The following C1orf21 variants were observed in gnomAD, a reference collection of about 807,000 sequenced individuals.
C1orf21 encodes the protein chromosome 1 open reading frame 21, also known as uncharacterized protein C1orf21.
In C1orf21, 3 loss-of-function variants were observed where a neutral mutation model predicts 18.7. The ratio of observed to expected loss-of-function variants is 0.16; its 90% CI spans 0.07 to 0.42. The LOEUF is 0.42. Ranked by LOEUF, C1orf21 falls within the 10% of genes least tolerant of loss-of-function variation. The pLI is 0.99. For missense variants in C1orf21, 104 were observed against 143.6 expected (o/e 0.72, Z 1.41); for synonymous variants, 41 against 46.4 (o/e 0.88, Z 0.47).
At chr1:184,428,453 A>G (rs146639858) in intron 1 of C1orf21, among the ~76,000 whole-genome samples, 10 of 152,344 alleles carry the variant, frequency 6.6e-5, no homozygotes, top group African/African-American at 2.4e-4. Flanking sequence ...GGTAATTTGC[A>G]TTGTGATTAG....
At chr1:184,442,995 A>G (rs772861169) in intron 1 of C1orf21, among the ~76,000 whole-genome samples, 1 of 152,164 alleles carries the variant, frequency 6.6e-6, no homozygotes, top group Non-Finnish European at 1.5e-5. Flanking sequence ...TTCCTGTCCA[A>G]CTTTATATGA....
intron 3 of C1orf21, among the ~76,000 whole-genome samples, chr1:184,557,395 G>A (rs935739454): frequency 1.3e-5 from 2 of 151,712 alleles, no homozygotes; most frequent in African/African-American, 4.9e-5. Flanking sequence ...TTTATTCCTC[G>A]CCCCACTCCC....
chr1:184,521,447 A>G (rs957243147), intron 3 of C1orf21, among the ~76,000 whole-genome samples: 3 of 152,202 alleles, frequency 2.0e-5, no homozygotes, highest in African/African-American at 4.8e-5. Flanking sequence ...ACTTAGTAAT[A>G]AGAAGGAATG....
intron 2 of C1orf21, among the ~76,000 whole-genome samples, chr1:184,499,919 G>A (rs1328217548): frequency 6.6e-6 from 1 of 152,208 alleles, no homozygotes; most frequent in Non-Finnish European, 1.5e-5. Flanking sequence ...CCTGCTAGGA[G>A]TAATTGAGAG....
At chr1:184,428,791 A>T (rs185165614) in intron 1 of C1orf21, among the ~76,000 whole-genome samples, 1 of 152,142 alleles carries the variant, frequency 6.6e-6, no homozygotes, top group Non-Finnish European at 1.5e-5. Context: ...ATGGGCCCAG[A>T]CAGGGAAAGA....
chr1:184,588,668 A>T (rs1042890053), intron 3 of C1orf21, among the ~76,000 whole-genome samples: 1 of 152,190 alleles, frequency 6.6e-6, no homozygotes, highest in African/African-American at 2.4e-5. Context: ...AATATTAGTG[A>T]ATGTTAAAAT....
chr1:184,488,123 T>C (rs988406527), intron 2 of C1orf21, among the ~76,000 whole-genome samples: 1 of 152,212 alleles, frequency 6.6e-6, no homozygotes, highest in African/African-American at 2.4e-5. Flanking sequence ...ACTTATCTCT[T>C]TTAGATTTTA....
intron 3 of C1orf21, among the ~76,000 whole-genome samples, chr1:184,576,794 C>G (rs575574408): frequency 6.6e-6 from 1 of 152,262 alleles, no homozygotes; most frequent in South Asian, 2.1e-4. Context: ...TGTGACTTTC[C>G]TGCTTAAAAC....
chr1:184,507,846 T>C (rs185380372), intron 3 of C1orf21, among the ~76,000 whole-genome samples, 164 bp downstream of exon 3: 1 of 152,232 alleles, frequency 6.6e-6, no homozygotes, highest in Non-Finnish European at 1.5e-5. Context: ...TCCTGTATCC[T>C]GTTTGTCTCT....
intron 2 of C1orf21, among the ~76,000 whole-genome samples, chr1:184,481,195 A>G (rs954544064): frequency 7.9e-5 from 12 of 152,192 alleles, no homozygotes; most frequent in Admixed American, 7.9e-4. Context: ...CTCTTAGAAA[A>G]ATGGGGATAC....
rs76007814 is a variant in C1orf21, at chr1:184,625,175, A to G, written c.*5619A>G. 2 of 152,292 alleles carry G rather than the reference A, an allele frequency of 1.3e-5. No individual in the cohort carries two copies. The highest frequency in any genetic ancestry group is 1.9e-4 in the East Asian group (1 of 5,186). The allele number at this position is 152,292 out of a possible 1,614,324, so 9.4% of individuals were successfully genotyped here. On this transcript the variant is annotated 3_prime_UTR_variant, in exon 6 of 6. Coordinates refer to ENST00000235307, the MANE Select transcript of C1orf21 (RefSeq NM_030806.4). ...CCTGATTTCGCCCTTCTTTGCTTCCATTTTTAGCCCAAGGCTTTGAATTTG... is the reference window on the plus strand; with the variant it reads ...CCTGATTTCGCCCTTCTTTGCTTCCGTTTTTAGCCCAAGGCTTTGAATTTG...
intron 2 of C1orf21, among the ~76,000 whole-genome samples, chr1:184,506,062 A>G (rs1658056622): frequency 6.6e-6 from 1 of 152,060 alleles, no homozygotes; most frequent in South Asian, 2.1e-4. Context: ...ATTCTTTTGT[A>G]TTGTAATTGT....
At chr1:184,602,440 CATT>C (rs1409516908) in intron 5 of C1orf21, among the ~76,000 whole-genome samples, 1 of 152,194 alleles carries the variant, frequency 6.6e-6, no homozygotes, top group African/African-American at 2.4e-5. Flanking sequence ...CTGTTCACCT[CATT>C]ATTTTTTACT....
At chr1:184,406,069 T>C (rs1418504772) in intron 1 of C1orf21, among the ~76,000 whole-genome samples, 1 of 152,228 alleles carries the variant, frequency 6.6e-6, no homozygotes, top group Non-Finnish European at 1.5e-5. Flanking sequence ...TTTCTCTTAG[T>C]ATTATCTCAA....
At chr1:184,489,841 T>G (rs1571382570) in intron 2 of C1orf21, among the ~76,000 whole-genome samples, 1 of 152,354 alleles carries the variant, frequency 6.6e-6, no homozygotes, top group African/African-American at 2.4e-5. Context: ...TCACCAAAAC[T>G]TTTACGATGG....
At position 184,387,842 on chromosome 1, in the gene C1orf21, TTC is replaced by T. The variant is rs1655911169; in HGVS notation, c.-125+479_-125+480del. Among the ~76,000 whole-genome samples the T allele has an allele frequency of 6.6e-6, 1 of 152,238 alleles. No homozygotes were observed. Among genetic ancestry groups the T allele is most frequent in the South Asian group, 2.1e-4 (1 of 4,836 alleles). On this transcript the variant is annotated intron_variant, in intron 1 of 5. Transcript: ENST00000235307. This position sits in a 1 kb window ranked among gnomAD's most constrained non-coding sequence, Gnocchi z 5.6. Reference sequence around the variant, plus strand: ...ATCCTTTGCTAAGTATCCAAGTCCCTTCTCTCGCTCCGACTGATTGATGTGTT... The same window carrying T: ...ATCCTTTGCTAAGTATCCAAGTCCCTTCTCGCTCCGACTGATTGATGTGTT...
rs1349584962 is a variant in C1orf21, at chr1:184,429,380, C to T, written c.-125+42012C>T. Among the ~76,000 whole-genome samples, 3 of 152,064 alleles carry T rather than the reference C, an allele frequency of 2.0e-5. No homozygotes were observed. In the South Asian group the frequency reaches 6.2e-4, roughly 32 times the overall value. ...TCTTTGCATCATTTGTAAATTATGTCGTTTGCAAATGACATAATTTTTTTC... is the reference window on the plus strand; with the variant it reads ...TCTTTGCATCATTTGTAAATTATGTTGTTTGCAAATGACATAATTTTTTTC... On this transcript the variant is annotated intron_variant, in intron 1 of 5. Transcript: ENST00000235307.
At chr1:184,398,950 A>T (rs1395005105) in intron 1 of C1orf21, among the ~76,000 whole-genome samples, 1 of 152,206 alleles carries the variant, frequency 6.6e-6, no homozygotes, top group African/African-American at 2.4e-5. Flanking sequence ...TCCTTTTAAA[A>T]TAATCATAAT....
At chr1:184,528,746 T>C (rs1354721448) in intron 3 of C1orf21, among the ~76,000 whole-genome samples, 3 of 152,196 alleles carry the variant, frequency 2.0e-5, no homozygotes, top group Non-Finnish European at 4.4e-5. Flanking sequence ...TTTATAGTCA[T>C]TGTGTTAAAT....
Sources: gnomAD v4.1 joint callset for allele counts (sites outside exome capture counted in the v4.1 genomes callset) on GRCh38, gnomAD v4.1.1 for gene constraint, Gnocchi (gnomAD v3.1) non-coding constraint, MANE v1.5 for transcripts, NCBI Gene and HGNC (gene_info 2026-07-23, HGNC 2026-07-21) for gene names.